Variants in PIGN observed in about 807,000 individuals in gnomAD.
PIGN encodes phosphatidylinositol glycan anchor biosynthesis class N, also known as GPI ethanolamine phosphate transferase 1.
A neutral mutation model predicts 125.4 loss-of-function variants in PIGN; 117 were observed. That is an observed-to-expected ratio of 0.93 (90% CI 0.80 to 1.09). The LOEUF (loss-of-function observed/expected upper bound fraction) is 1.09, where lower values mean the gene tolerates loss of function less well. PIGN is among the 50% of genes least tolerant of loss of function. The pLI is 0.00. For synonymous variants in PIGN, 392 were observed against 377.8 expected (o/e 1.04, Z -0.44); for missense variants, 1,075 against 1,094.9 (o/e 0.98, Z 0.26).
intron 23 of PIGN, among the ~76,000 whole-genome samples, chr18:62,019,456 TA>T (rs1379195790): frequency 2.0e-5 from 3 of 152,252 alleles, no homozygotes; most frequent in African/African-American, 7.2e-5. Flanking sequence ...TGTGAAGAGT[TA>T]GGGGAAATTA....
chr18:62,082,748 T>C lies in PIGN; in HGVS notation c.2503-2A>G. The stretch of plus-strand genomic sequence containing the variant: ...AACAAGAACAAAGGGGATTAAAATC[T>C]GTAAAAGAACAATAAATGATGCAAG... On this transcript the variant is annotated splice_acceptor_variant, in intron 27 of 30. Coordinates refer to ENST00000640252, the MANE Select transcript of PIGN (RefSeq NM_176787.5). LOFTEE classifies it high-confidence loss of function. The C allele has an allele frequency of 6.6e-7, 1 of 1,505,992 alleles. No homozygotes were observed. 93.3% of individuals were successfully genotyped at this position (1,505,992 alleles called of 1,614,324 possible). A position where few individuals can be genotyped will look rare whatever the true frequency, so the allele number is the denominator to read the frequency against.
At chr18:62,148,580 C>T (rs2036421149) in intron 7 of PIGN, among the ~76,000 whole-genome samples, 1 of 152,068 alleles carries the variant, frequency 6.6e-6, no homozygotes, top group South Asian at 2.1e-4. Flanking sequence ...GAAAGGGGAT[C>T]ATAATTTCAT....
At chr18:62,143,744 T>C (rs565036029) in intron 10 of PIGN, among the ~76,000 whole-genome samples, 1 of 152,326 alleles carries the variant, frequency 6.6e-6, no homozygotes, top group African/African-American at 2.4e-5. Flanking sequence ...TTCAAGCTTC[T>C]CTTTTTCTCT....
intron 15 of PIGN, among the ~76,000 whole-genome samples, chr18:62,114,306 G>A (rs1315803767): frequency 6.6e-6 from 1 of 151,246 alleles, no homozygotes; most frequent in Non-Finnish European, 1.5e-5. Flanking sequence ...AGGTTGCAGT[G>A]AGCTGAGATT....
At chr18:62,026,090 C>G (rs577185128) in intron 23 of PIGN, among the ~76,000 whole-genome samples, 1 of 152,322 alleles carries the variant, frequency 6.6e-6, no homozygotes, top group East Asian at 1.9e-4. Flanking sequence ...ATATCACTCA[C>G]ATTGTGATAG....
Position 62,114,569 on chromosome 18 carries a change from C to G in PIGN, c.1243G>C (p.Asp415His). 6.6e-7 allele frequency: 1 copy of G among 1,515,414 alleles called. No homozygotes were observed. The highest frequency in any genetic ancestry group is 9.0e-7 in the Non-Finnish European group (1 of 1,114,080). 93.9% of individuals were successfully genotyped at this position (1,515,414 alleles called of 1,614,324 possible). The part of the protein sequence containing the change: ...ARSYIKHRKF[D>H]EVVSLCKELI... ...AAGGCCGGTATACTTACCACTTCAT[C>G]AAACTTTCTGTGTTTTATATAAGAT... The change falls in exon 15 of 31, where the codon GAT (aspartate) becomes CAT (histidine). Residue 415 changes from aspartate to histidine, a missense_variant. Physicochemically the swap from Asp to His is moderately conservative, Grantham distance 81. Coordinates refer to ENST00000640252, the MANE Select transcript of PIGN (RefSeq NM_176787.5).
intron 23 of PIGN, among the ~76,000 whole-genome samples, chr18:62,091,836 C>A (rs1230588819): frequency 1.3e-5 from 2 of 152,196 alleles, no homozygotes; most frequent in African/African-American, 2.4e-5. Flanking sequence ...TTTATAAAAT[C>A]TTTGAAAACC....
chr18:62,146,541 C>T (rs1226826029), intron 9 of PIGN, among the ~76,000 whole-genome samples: 11 of 152,130 alleles, frequency 7.2e-5, no homozygotes, highest in African/African-American at 2.4e-4. Flanking sequence ...GGGGACAAAT[C>T]TCATCTTTGC....
intron 12 of PIGN, among the ~76,000 whole-genome samples, chr18:62,139,863 A>G (rs2036071815): frequency 6.6e-6 from 1 of 152,166 alleles, no homozygotes; most frequent in Non-Finnish European, 1.5e-5. Context: ...CCTTCTTCCA[A>G]GTCTCCAGAT....
chr18:62,024,637 T>G (rs762064589), intron 23 of PIGN, among the ~76,000 whole-genome samples: 9 of 152,168 alleles, frequency 5.9e-5, no homozygotes, highest in Admixed American at 1.3e-4. Context: ...CTTTCTACCT[T>G]TATATGCATC....
intron 30 of PIGN, among the ~76,000 whole-genome samples, chr18:62,046,506 G>T (rs1334307090): frequency 1.3e-5 from 1 of 75,310 alleles, no homozygotes; most frequent in Non-Finnish European, 3.1e-5. Context: ...CTTCTTATGA[G>T]AATCTAACGA....
At chr18:62,094,594 C>T (rs1198629408) in intron 23 of PIGN, among the ~76,000 whole-genome samples, 1 of 152,126 alleles carries the variant, frequency 6.6e-6, no homozygotes, top group Non-Finnish European at 1.5e-5. Context: ...TGAAATTTCA[C>T]TAATAAAGGG....
intron 7 of PIGN, chr18:62,154,230 A>C (rs2036638657): frequency 2.6e-6 from 1 of 380,938 alleles, no homozygotes; most frequent in Non-Finnish European, 4.6e-6. Flanking sequence ...CATATGGTCC[A>C]TTACTACAAG....
intron 6 of PIGN, among the ~76,000 whole-genome samples, chr18:62,156,482 C>A (rs902683896): frequency 6.6e-6 from 1 of 152,064 alleles, no homozygotes; most frequent in Non-Finnish European, 1.5e-5. Flanking sequence ...AGGCACATGC[C>A]ACCACACTCA....
intron 1 of PIGN, among the ~76,000 whole-genome samples, chr18:62,181,587 T>C (rs2037718534): frequency 6.6e-6 from 1 of 152,180 alleles, no homozygotes; most frequent in Non-Finnish European, 1.5e-5. Flanking sequence ...AATTTTTGTA[T>C]TTTTTGTAGA....
downstream of PIGN, among the ~76,000 whole-genome samples, chr18:62,037,640 T>C (rs367800922): frequency 3.9e-5 from 6 of 152,242 alleles, no homozygotes; most frequent in African/African-American, 1.4e-4. Context: ...CTCCTCGGGC[T>C]TCTAAGAGCC....
At chr18:62,172,494 T>C (rs550782592) in intron 1 of PIGN, among the ~76,000 whole-genome samples, 4 of 152,282 alleles carry the variant, frequency 2.6e-5, no homozygotes, top group Admixed American at 1.3e-4. Flanking sequence ...CTCTAATATG[T>C]ACTTACACAT....
intron 1 of PIGN, among the ~76,000 whole-genome samples, chr18:62,171,098 A>G (rs2037331290): frequency 6.6e-6 from 1 of 152,234 alleles, no homozygotes; most frequent in Admixed American, 6.5e-5. Flanking sequence ...GGAAGAACTG[A>G]TAACAATATT....
intron 10 of PIGN, among the ~76,000 whole-genome samples, chr18:62,145,707 G>A (rs1337829346): frequency 6.6e-6 from 1 of 152,138 alleles, no homozygotes; most frequent in Non-Finnish European, 1.5e-5. Context: ...TAGCAGTGGT[G>A]TGCTGGGAAG....
Sources: gnomAD v4.1 joint callset for allele counts (sites outside exome capture counted in the v4.1 genomes callset) on GRCh38, gnomAD v4.1.1 for gene constraint, MANE v1.5 for transcripts, NCBI Gene and HGNC (gene_info 2026-07-23, HGNC 2026-07-21) for gene names.